The following SDK1 variants were observed in gnomAD, a reference collection of about 807,000 sequenced individuals.
SDK1 encodes the protein sidekick cell adhesion molecule 1.
In SDK1, 157 loss-of-function variants were observed where a neutral mutation model predicts 245.5. That is an observed-to-expected ratio of 0.64 (90% CI 0.56 to 0.73). SDK1 has a LOEUF of 0.73. Among genes scored for constraint, SDK1 ranks in the 30% least tolerant of loss-of-function variants. The pLI is 0.00. For missense variants in SDK1, 3,583 were observed against 3,002.3 expected (o/e 1.19, Z -4.52); for synonymous variants, 1,647 against 1,278.5 (o/e 1.29, Z -6.15).
At chr7:3,488,612 A>C (rs1053043170) in intron 1 of SDK1, among the ~76,000 whole-genome samples, 1 of 152,234 alleles carries the variant, frequency 6.6e-6, no homozygotes, top group African/African-American at 2.4e-5. Flanking sequence ...TACAATGCTC[A>C]TCAGCTAGGA....
At chr7:4,194,157 T>A (rs1325435098) in intron 35 of SDK1, among the ~76,000 whole-genome samples, 1 of 151,906 alleles carries the variant, frequency 6.6e-6, no homozygotes, top group Non-Finnish European at 1.5e-5. Context: ...AAATCTGTAT[T>A]AGTCAGGGTT....
At chr7:3,914,586 G>C (rs1779300413) in intron 5 of SDK1, among the ~76,000 whole-genome samples, 1 of 152,162 alleles carries the variant, frequency 6.6e-6, no homozygotes, top group South Asian at 2.1e-4. Context: ...CATGAAGCTA[G>C]GGAAGTTCAA....
intron 1 of SDK1, among the ~76,000 whole-genome samples, chr7:3,519,549 G>T (rs1583989251): frequency 6.6e-6 from 1 of 150,744 alleles, no homozygotes; most frequent in African/African-American, 2.4e-5. Flanking sequence ...TAAAGCATTT[G>T]ACATACATGT....
intron 32 of SDK1, among the ~76,000 whole-genome samples, chr7:4,162,800 G>A (rs778407560): frequency 4.6e-5 from 7 of 152,202 alleles, no homozygotes; most frequent in Non-Finnish European, 7.3e-5. Flanking sequence ...CAATGCTCCA[G>A]TAAGGCATTG....
chr7:3,981,730 C>G (rs756531301), intron 13 of SDK1, among the ~76,000 whole-genome samples: 2 of 152,182 alleles, frequency 1.3e-5, no homozygotes, highest in Non-Finnish European at 2.9e-5. Flanking sequence ...GGCCATAGCT[C>G]TCTTCAGTTT....
intron 4 of SDK1, among the ~76,000 whole-genome samples, chr7:3,672,759 T>TTATATATATA (rs60760676): frequency 2.8e-4 from 14 of 50,756 alleles, no homozygotes; most frequent in East Asian, 6.3e-4. Context: ...ATATATAATT[T>TTATATATATA]TATATATATA....
rs565978657 is a variant in SDK1 at position 3,387,972 on chromosome 7, A to T, written c.298+86088A>T. ...TATTAAGTGAGAGAACGAGATTCAA[A>T]CCAAAGTTGTTTAGCTCCATAGCTC... On this transcript the variant is annotated intron_variant, in intron 1 of 44. Transcript: ENST00000404826. Among the ~76,000 whole-genome samples the T allele has an allele frequency of 3.9e-5, 6 of 152,308 alleles. No homozygotes were observed. The South Asian group carries it at 1.2e-3, about 32-fold the overall frequency.
At chr7:3,419,699 C>G (rs1779484768) in intron 1 of SDK1, among the ~76,000 whole-genome samples, 2 of 152,110 alleles carry the variant, frequency 1.3e-5, no homozygotes, top group African/African-American at 2.4e-5. Context: ...ACATGTACAC[C>G]TTTGGAACAT....
chr7:3,558,427 G>T (rs1239154601), intron 1 of SDK1, among the ~76,000 whole-genome samples: 1 of 152,342 alleles, frequency 6.6e-6, no homozygotes. Flanking sequence ...CAGTCTGAAG[G>T]AAATAACTTC....
intron 40 of SDK1, among the ~76,000 whole-genome samples, chr7:4,230,094 C>G (rs922472796): frequency 9.6e-6 from 1 of 104,634 alleles, no homozygotes; most frequent in East Asian, 3.4e-4. Flanking sequence ...GGTGGGCAGG[C>G]AGATGGATGG....
chr7:3,465,368 AT>A (rs893588115), intron 1 of SDK1, among the ~76,000 whole-genome samples: 14 of 152,224 alleles, frequency 9.2e-5, no homozygotes, highest in Non-Finnish European at 1.2e-4. Context: ...AAAAATAAAA[AT>A]GAGAAGAAAT....
intron 44 of SDK1, among the ~76,000 whole-genome samples, chr7:4,248,476 C>A (rs1254114480): frequency 6.6e-6 from 1 of 151,798 alleles, no homozygotes; most frequent in South Asian, 2.1e-4. Context: ...CACGTGCTTA[C>A]CTAAATACAC....
intron 14 of SDK1, among the ~76,000 whole-genome samples, chr7:3,994,868 C>A (rs1784585450): frequency 6.6e-6 from 1 of 152,122 alleles, no homozygotes; most frequent in Non-Finnish European, 1.5e-5. Context: ...CCTTGAGCCA[C>A]CAGAGCGAGC....
intron 4 of SDK1, among the ~76,000 whole-genome samples, chr7:3,676,090 C>T (rs1343925956): frequency 2.6e-5 from 4 of 152,126 alleles, no homozygotes; most frequent in Admixed American, 1.3e-4. Flanking sequence ...CTCAGCCTCC[C>T]AAGTAGCTGG....
chr7:3,722,691 G>C (rs6945690), intron 4 of SDK1, among the ~76,000 whole-genome samples: 22,777 of 152,218 alleles, frequency 0.15, 2,734 homozygotes, highest in African/African-American at 0.33. Context: ...TGCCCAGACA[G>C]CTGCAGGCTG....
At chr7:4,007,659 C>T (rs1164740896) in intron 14 of SDK1, among the ~76,000 whole-genome samples, 1 of 152,098 alleles carries the variant, frequency 6.6e-6, no homozygotes, top group Non-Finnish European at 1.5e-5. Flanking sequence ...GGCTGGAGTC[C>T]AGTGGCGCGG....
chr7:3,318,896 G>C (rs1376763618), intron 1 of SDK1, among the ~76,000 whole-genome samples: 2 of 152,124 alleles, frequency 1.3e-5, no homozygotes, highest in Admixed American at 6.6e-5. Flanking sequence ...TTGTGATTGG[G>C]ATTTCAGCTG....
intron 4 of SDK1, among the ~76,000 whole-genome samples, chr7:3,685,151 A>G (rs1784236982): frequency 6.6e-6 from 1 of 152,140 alleles, no homozygotes; most frequent in Non-Finnish European, 1.5e-5. Context: ...TGAACCTCAA[A>G]TAGGATAAAT....
rs577802735 is a variant in SDK1, at chr7:4,265,648, G to A, written c.*264G>A. The stretch of plus-strand genomic sequence containing the variant: ...GAAGGTGTATTTCACTGGTGCAATG[G>A]CTTGGCACCTCCGGGGCCTGGGAGG... On this transcript the variant is annotated 3_prime_UTR_variant, in exon 45 of 45. Coordinates refer to ENST00000404826, the MANE Select transcript of SDK1 (RefSeq NM_152744.4). 1.2e-4 allele frequency: 151 copies of A among 1,261,506 alleles called. No homozygotes were observed. The South Asian group carries it at 3.7e-3, about 31-fold the overall frequency. 78.1% of individuals were successfully genotyped at this position (1,261,506 alleles called of 1,614,324 possible).
Sources: gnomAD v4.1 joint callset for allele counts (sites outside exome capture counted in the v4.1 genomes callset) on GRCh38, gnomAD v4.1.1 for gene constraint, MANE v1.5 for transcripts, NCBI Gene and HGNC (gene_info 2026-07-23, HGNC 2026-07-21) for gene names.